The following CELF2 variants were observed in gnomAD, a reference collection of about 807,000 sequenced individuals.
CELF2 encodes CUG triplet repeat RNA-binding protein 2.
In CELF2, 8 loss-of-function variants were observed where a neutral mutation model predicts 62.6. The ratio of observed to expected loss-of-function variants is 0.13; its 90% confidence interval spans 0.07 to 0.23. The LOEUF (loss-of-function observed/expected upper bound fraction) is 0.23. CELF2 is among the 10% of genes least tolerant of loss of function. CELF2 has a pLI of 1.00. For missense variants in CELF2, 333 were observed against 671.0 expected (o/e 0.50, Z 5.56); for synonymous variants, 258 against 250.0 (o/e 1.03, Z -0.30).
Position 10,852,072 on chromosome 10 carries a change from A to G in CELF2, c.53+53255A>G, listed in dbSNP as rs143103499. Among the ~76,000 whole-genome samples, 211 of 152,388 alleles carry G rather than the reference A, an allele frequency of 1.4e-3. 1 individual carries two copies. Among genetic ancestry groups the G allele is most frequent in the East Asian group, 5.4e-3 (28 of 5,192 alleles). On this transcript the variant is annotated intron_variant, in intron 1 of 13. Coordinates refer to the CELF2 transcript ENST00000636488. ...TTAAAAAGTTAAATAGGTATCTATC[A>G]TATGATGTAACCATTTAACTCCTTG...
At chr10:10,899,381 A>G (rs755145747) in intron 1 of CELF2, among the ~76,000 whole-genome samples, 92 of 152,288 alleles carry the variant, frequency 6.0e-4, no homozygotes, top group Non-Finnish European at 1.2e-3. Context: ...GAAAGAGGTG[A>G]TATCATTAGA....
intron 1 of CELF2, among the ~76,000 whole-genome samples, chr10:11,128,424 GT>G (rs1434614375): frequency 6.6e-6 from 1 of 152,172 alleles, no homozygotes; most frequent in African/African-American, 2.4e-5. Flanking sequence ...AAAGTCATTG[GT>G]AGCTTGATGG....
chr10:10,463,785 C>A, the CELF2 span, among the ~76,000 whole-genome samples: 2 of 152,016 alleles, frequency 1.3e-5, no homozygotes, highest in Admixed American at 1.3e-4. Flanking sequence ...TTTAAAAGCA[C>A]GTGTGAAACA....
In CELF2 at chr10:11,071,005, A is replaced by G. The variant is rs573472219; in HGVS notation, c.74+52842A>G. 2.0e-5 allele frequency among the ~76,000 whole-genome samples: 3 copies of G among 152,342 alleles called. No individual in the cohort carries two copies. In the South Asian group the frequency reaches 6.2e-4, roughly 32 times the overall value. On this transcript the variant is annotated intron_variant, in intron 1 of 12. Transcript: ENST00000633077. The stretch of plus-strand genomic sequence containing the variant: ...ATAGTATAGATGACTATTTTGAGAA[A>G]TTTGGCTATTTAAAGGTGGTAGAGA...
chr10:10,857,642 A>T (rs1323084169), intron 1 of CELF2, among the ~76,000 whole-genome samples: 1 of 84,414 alleles, frequency 1.2e-5, no homozygotes, highest in East Asian at 3.7e-4. Context: ...TAAACTACAT[A>T]TATATAGTAT....
chr10:10,741,599 A>G, the CELF2 span, among the ~76,000 whole-genome samples: 3 of 150,504 alleles, frequency 2.0e-5, 1 homozygote, highest in East Asian at 5.9e-4. Flanking sequence ...TGCTCTCCTG[A>G]TTAGAAGACA....
chr10:11,187,755 C>T (rs1197718171), intron 2 of CELF2, among the ~76,000 whole-genome samples: 1 of 151,288 alleles, frequency 6.6e-6, no homozygotes, highest in Non-Finnish European at 1.5e-5. Context: ...GAATCTACTT[C>T]CATTTCTCCC....
the CELF2 span, among the ~76,000 whole-genome samples, chr10:10,617,480 CT>C: frequency 6.6e-6 from 1 of 152,138 alleles, no homozygotes; most frequent in Non-Finnish European, 1.5e-5. Flanking sequence ...TGAAAGGATC[CT>C]TCAAGCTGGA....
intron 2 of CELF2, among the ~76,000 whole-genome samples, chr10:11,203,404 T>C (rs565278246): frequency 6.6e-6 from 1 of 152,348 alleles, no homozygotes; most frequent in South Asian, 2.1e-4. Context: ...GGACCATGTG[T>C]TACATTTTTT....
Position 11,183,628 on chromosome 10 carries a change from T to C in CELF2, c.271+17946T>C, listed in dbSNP as rs118120435. ...TTGGTGTAATCACTATTCCTAATTT[T>C]ACCCCTTCTAATCTGTGTGTAGTGG... is the stretch of plus-strand genomic sequence containing the variant. On this transcript the variant is annotated intron_variant, in intron 2 of 12. Transcript: ENST00000633077. Among the ~76,000 whole-genome samples the C allele has an allele frequency of 1.6e-3, 242 of 152,372 alleles. 1 individual carries two copies. The highest frequency in any genetic ancestry group is 3.1e-3 in the Non-Finnish European group (208 of 68,042).
chr10:11,292,074 G>A (rs1044429179), intron 9 of CELF2, among the ~76,000 whole-genome samples: 3 of 152,072 alleles, frequency 2.0e-5, no homozygotes, highest in African/African-American at 7.2e-5. Context: ...TCTTCCCATG[G>A]TACAAGGCAT....
At chr10:10,800,874 A>G (rs2054591901) in intron 1 of CELF2, among the ~76,000 whole-genome samples, 1 of 152,098 alleles carries the variant, frequency 6.6e-6, no homozygotes, top group African/African-American at 2.4e-5. Context: ...AAACTGGATT[A>G]CTAACCTGTC....
the CELF2 span, among the ~76,000 whole-genome samples, chr10:10,496,845 G>T: frequency 6.6e-6 from 1 of 152,110 alleles, no homozygotes; most frequent in Non-Finnish European, 1.5e-5. Flanking sequence ...GGTCAATAAT[G>T]AAGGGAAGGA....
At chr10:11,114,591 T>C (rs1269752325) in intron 1 of CELF2, among the ~76,000 whole-genome samples, 1 of 152,262 alleles carries the variant, frequency 6.6e-6, no homozygotes, top group Non-Finnish European at 1.5e-5. Context: ...TGCAGTCAAA[T>C]ATCTGTTCTT....
intron 1 of CELF2, among the ~76,000 whole-genome samples, chr10:10,874,661 T>G (rs74115437): frequency 1.1e-3 from 162 of 152,288 alleles, no homozygotes; most frequent in African/African-American, 3.7e-3. Context: ...TATATGTTGA[T>G]GTTGGTTAAA....
At chr10:10,545,002 C>A in the CELF2 span, among the ~76,000 whole-genome samples, 1 of 152,146 alleles carries the variant, frequency 6.6e-6, no homozygotes, top group Non-Finnish European at 1.5e-5. Context: ...GCCTGAAGTG[C>A]CTGAATTCCT....
Position 11,224,334 on chromosome 10 carries a change from G to T in CELF2, c.354+6827G>T, listed in dbSNP as rs548939730. 6.6e-6 allele frequency among the ~76,000 whole-genome samples: 1 copy of T among 152,298 alleles called. No individual in the cohort carries two copies. The highest frequency in any genetic ancestry group is 2.4e-5 in the African/African-American group (1 of 41,552). On this transcript the variant is annotated intron_variant, in intron 3 of 12. Transcript: ENST00000633077. The surrounding 1 kb of genome is among the most constrained non-coding windows in gnomAD (Gnocchi z 4.5). ...AAGTGCCTTGTGTCATTGCTTGAGG[G>T]ATACTGGTATCTCATTAGTATCTTG... is the stretch of plus-strand genomic sequence containing the variant.
In CELF2 at chr10:11,224,422, A is replaced by G. The variant is rs1447012095; in HGVS notation, c.354+6915A>G. 1.3e-5 allele frequency among the ~76,000 whole-genome samples: 2 copies of G among 152,184 alleles called. No individual in the cohort carries two copies. The highest frequency in any genetic ancestry group is 6.5e-5 in the Admixed American group (1 of 15,286). ...CCATAGTTAGATTTCAGAGATAATCATTTCTCTACGACAGCCCAAGATTAA... is the reference window on the plus strand; with the variant it reads ...CCATAGTTAGATTTCAGAGATAATCGTTTCTCTACGACAGCCCAAGATTAA... On this transcript the variant is annotated intron_variant, in intron 3 of 12. Coordinates refer to ENST00000633077, the MANE Select transcript of CELF2 (RefSeq NM_001326342.2). This position sits in a 1 kb window ranked among gnomAD's most constrained non-coding sequence, Gnocchi z 4.5.
At chr10:10,484,796 A>G in the CELF2 span, among the ~76,000 whole-genome samples, 4 of 152,116 alleles carry the variant, frequency 2.6e-5, no homozygotes, top group East Asian at 7.7e-4. Context: ...ATCAAATCAC[A>G]CAATGACATT....
Sources: gnomAD v4.1 joint callset for allele counts (sites outside exome capture counted in the v4.1 genomes callset) on GRCh38, gnomAD v4.1.1 for gene constraint, Gnocchi (gnomAD v3.1) non-coding constraint, MANE v1.5 for transcripts, NCBI Gene and HGNC (gene_info 2026-07-23, HGNC 2026-07-21) for gene names.